The following CADM2 variants were observed in gnomAD, a reference collection of about 807,000 sequenced individuals.
The protein encoded by CADM2 is immunoglobulin superfamily member 4D.
CADM2 carries 12 observed loss-of-function variants against 49.8 expected under a neutral mutation model. The ratio of observed to expected loss-of-function variants is 0.24; its 90% CI spans 0.15 to 0.39. CADM2 has a LOEUF of 0.39. Ranked by LOEUF, CADM2 falls within the 10% of genes least tolerant of loss-of-function variation. The pLI is 1.00. For missense variants in CADM2, 378 were observed against 492.3 expected (o/e 0.77, Z 2.20); for synonymous variants, 214 against 175.4 (o/e 1.22, Z -1.74).
chr3:85,678,266 C>A (rs1193879387), intron 1 of CADM2, among the ~76,000 whole-genome samples: 7 of 152,118 alleles, frequency 4.6e-5, no homozygotes, highest in Non-Finnish European at 7.4e-5. Context: ...GCTGTGTCAA[C>A]CTAAAGCAAA....
At chr3:85,844,675 C>A (rs55782528) in intron 3 of CADM2, among the ~76,000 whole-genome samples, 52,575 of 151,922 alleles carry the variant, frequency 0.35, 9,692 homozygotes, top group East Asian at 0.57. Context: ...CAAATGTATA[C>A]CTCTAATTGT....
intron 8 of CADM2, chr3:86,014,711 T>C: frequency 6.6e-7 from 1 of 1,522,060 alleles, no homozygotes; most frequent in East Asian, 2.3e-5. Context: ...AACACCATGC[T>C]GACATGTGTA....
At chr3:85,631,239 C>G (rs2064296514) in intron 1 of CADM2, among the ~76,000 whole-genome samples, 1 of 152,026 alleles carries the variant, frequency 6.6e-6, no homozygotes, top group African/African-American at 2.4e-5. Flanking sequence ...CCCACTCTCT[C>G]CAAGTCTTCT....
At chr3:86,000,022 GC>G (rs1559792441) in intron 8 of CADM2, among the ~76,000 whole-genome samples, 1 of 152,110 alleles carries the variant, frequency 6.6e-6, no homozygotes, top group African/African-American at 2.4e-5. Context: ...ACAAAATAAA[GC>G]CACTAAGGGT....
At chr3:85,172,173 T>C (rs2040646468) in intron 1 of CADM2, among the ~76,000 whole-genome samples, 2 of 152,172 alleles carry the variant, frequency 1.3e-5, no homozygotes, top group South Asian at 4.1e-4. Context: ...TCTCTAATGG[T>C]AAGATCACCA....
intron 5 of CADM2, among the ~76,000 whole-genome samples, chr3:85,890,872 A>T (rs1714338193): frequency 6.6e-6 from 1 of 152,124 alleles, no homozygotes; most frequent in South Asian, 2.1e-4. Context: ...ATCTATGCAG[A>T]GTAACAGCAT....
intron 2 of CADM2, among the ~76,000 whole-genome samples, chr3:85,735,519 G>T (rs1335319073): frequency 1.3e-5 from 2 of 152,142 alleles, no homozygotes; most frequent in East Asian, 3.9e-4. Flanking sequence ...GGAAGTTTCA[G>T]CAGAAGAGAA....
chr3:85,891,657 G>C (rs1714452402), intron 5 of CADM2, among the ~76,000 whole-genome samples: 1 of 152,190 alleles, frequency 6.6e-6, no homozygotes, highest in African/African-American at 2.4e-5. Flanking sequence ...AAAACAAATA[G>C]CTATGCTGTG....
Position 85,501,960 on chromosome 3 carries a change from G to C in CADM2, c.62-224562G>C, listed in dbSNP as rs764465402. On this transcript the variant is annotated intron_variant, in intron 1 of 9. Coordinates refer to ENST00000383699, the MANE Select transcript of CADM2 (RefSeq NM_001167675.2). ...CAAAAGGATATCACACAATTGGCTA[G>C]AGAAAAGACTAATATAATTCTTCTT... Among the ~76,000 whole-genome samples the C allele has an allele frequency of 5.5e-4, 84 of 151,538 alleles. 1 individual carries two copies. The highest frequency in any genetic ancestry group is 3.4e-3 in the Middle Eastern group (1 of 292).
chr3:85,354,932 C>A (rs2031726654), intron 1 of CADM2, among the ~76,000 whole-genome samples: 1 of 152,104 alleles, frequency 6.6e-6, no homozygotes, highest in Non-Finnish European at 1.5e-5. Context: ...TGTGCATGCA[C>A]AATTGAGCTT....
intron 1 of CADM2, among the ~76,000 whole-genome samples, chr3:85,302,011 A>G (rs2044113147): frequency 6.6e-6 from 1 of 152,082 alleles, no homozygotes; most frequent in South Asian, 2.1e-4. Flanking sequence ...GTTTCTTAGA[A>G]TGTTTTGCTA....
intron 1 of CADM2, among the ~76,000 whole-genome samples, chr3:85,081,728 G>A (rs1243053060): frequency 3.3e-5 from 5 of 152,104 alleles, no homozygotes; most frequent in Admixed American, 3.3e-4. Context: ...CCAGGGCATC[G>A]AGGAAGAGGC....
At chr3:85,525,190 A>G (rs1373579451) in intron 1 of CADM2, among the ~76,000 whole-genome samples, 1 of 152,240 alleles carries the variant, frequency 6.6e-6, no homozygotes, top group Non-Finnish European at 1.5e-5. Context: ...AGTTTTACAT[A>G]TTAAAATAGT....
At chr3:85,768,149 T>C (rs1271330914) in intron 2 of CADM2, among the ~76,000 whole-genome samples, 1 of 152,144 alleles carries the variant, frequency 6.6e-6, no homozygotes, top group Admixed American at 6.5e-5. Context: ...GATATTTATT[T>C]AAAATATATT....
intron 1 of CADM2, among the ~76,000 whole-genome samples, chr3:85,134,732 CAT>C (rs1289324281): frequency 6.6e-6 from 1 of 152,006 alleles, no homozygotes; most frequent in Non-Finnish European, 1.5e-5. Context: ...ATTATAACAA[CAT>C]AGAATTTTAA....
At chr3:85,538,671 A>G (rs1309663730) in intron 1 of CADM2, among the ~76,000 whole-genome samples, 1 of 152,124 alleles carries the variant, frequency 6.6e-6, no homozygotes, top group Non-Finnish European at 1.5e-5. Flanking sequence ...ATTGTCAGAA[A>G]ATTGTTGATG....
At chr3:85,155,205 C>G (rs1171931896) in intron 1 of CADM2, among the ~76,000 whole-genome samples, 3 of 149,890 alleles carry the variant, frequency 2.0e-5, no homozygotes, top group Admixed American at 2.0e-4. Flanking sequence ...ATCTCACGTG[C>G]AGAGACACAC....
intron 1 of CADM2, among the ~76,000 whole-genome samples, chr3:85,653,819 A>C (rs1470963875): frequency 6.6e-6 from 1 of 152,222 alleles, no homozygotes; most frequent in East Asian, 1.9e-4. Context: ...AATGAAGCTA[A>C]TCCAGCAAAC....
chr3:85,603,427 C>G (rs1003973575), intron 1 of CADM2, among the ~76,000 whole-genome samples: 1 of 151,832 alleles, frequency 6.6e-6, no homozygotes, highest in Non-Finnish European at 1.5e-5. Flanking sequence ...AAGTTGTTAG[C>G]CTACACATTT....
Sources: gnomAD v4.1 joint callset for allele counts (sites outside exome capture counted in the v4.1 genomes callset) on GRCh38, gnomAD v4.1.1 for gene constraint, MANE v1.5 for transcripts, NCBI Gene and HGNC (gene_info 2026-07-23, HGNC 2026-07-21) for gene names.